ABCA13: variants seen among roughly 807,000 people sequenced by gnomAD.
ABCA13 encodes ATP-binding cassette sub-family A member 13.
Under a neutral mutation model 478.7 loss-of-function variants are expected in ABCA13, and 476 were observed. That is an observed-to-expected ratio of 0.99 (90% CI 0.92 to 1.07). ABCA13 has a LOEUF of 1.07. ABCA13 is among the 50% of genes least tolerant of loss of function. ABCA13 has a pLI of 0.00. For missense variants in ABCA13, 6,060 were observed against 5,910.6 expected (o/e 1.03, Z -0.83); for synonymous variants, 2,252 against 2,158.9 (o/e 1.04, Z -1.20).
In ABCA13 at chr7:48,178,836, A is replaced by G. The variant is rs140458680; in HGVS notation, c.69+7284A>G. 5.1e-3 allele frequency among the ~76,000 whole-genome samples: 768 copies of G among 151,592 alleles called. 10 individuals carry two copies. The highest frequency in any genetic ancestry group is 0.017 in the African/African-American group (713 of 41,472). On this transcript the variant is annotated intron_variant, in intron 1 of 61. Transcript: ENST00000435803. ...TTCGACTGTCAGGCTGAAAAGAGAA[A>G]ATAATTCTCTCTAGGTTGCTCTTTT...
chr7:48,171,697 C>G, intron 1 of ABCA13, 145 bp downstream of exon 1: 1 of 883,104 alleles, frequency 1.1e-6, no homozygotes, highest in East Asian at 2.7e-5. Context: ...TATTTTAAAT[C>G]AAAACCCGTC....
chr7:48,464,928 A>G (rs2130099214), intron 43 of ABCA13, among the ~76,000 whole-genome samples: 1 of 152,280 alleles, frequency 6.6e-6, no homozygotes, highest in East Asian at 1.9e-4. Context: ...TTATTATGGA[A>G]TCGGTGTTCC....
At chr7:48,238,464 GTTCTTT>G (rs1314547477) in intron 8 of ABCA13, among the ~76,000 whole-genome samples, 1 of 140,018 alleles carries the variant, frequency 7.1e-6, no homozygotes, top group Non-Finnish European at 1.6e-5. Context: ...CTCTGTTGAA[GTTCTTT>G]TTTTTTTTTT....
intron 55 of ABCA13, among the ~76,000 whole-genome samples, chr7:48,528,968 C>T (rs1833051696): frequency 6.6e-6 from 1 of 152,160 alleles, no homozygotes; most frequent in Admixed American, 6.5e-5. Flanking sequence ...TCATGCATTC[C>T]TTTATGTCAC....
At chr7:48,449,146 A>C (rs1224994950) in intron 42 of ABCA13, among the ~76,000 whole-genome samples, 2 of 152,184 alleles carry the variant, frequency 1.3e-5, no homozygotes, top group Non-Finnish European at 2.9e-5. Context: ...TCCGGCTCCT[A>C]GCTGTCTGTA....
intron 48 of ABCA13, among the ~76,000 whole-genome samples, chr7:48,499,049 G>T (rs1471568819): frequency 6.6e-6 from 1 of 151,950 alleles, no homozygotes; most frequent in African/African-American, 2.4e-5. Flanking sequence ...GATTGGTTTT[G>T]GATAGGATTA....
chr7:48,543,648 A>T (rs1229601893), intron 55 of ABCA13, among the ~76,000 whole-genome samples: 1 of 151,776 alleles, frequency 6.6e-6, no homozygotes, highest in Non-Finnish European at 1.5e-5. Flanking sequence ...TAAAAAAAAT[A>T]AAAAATAGGC....
chr7:48,371,419 A>G (rs1373210996), intron 32 of ABCA13, among the ~76,000 whole-genome samples: 1 of 152,094 alleles, frequency 6.6e-6, no homozygotes, highest in Non-Finnish European at 1.5e-5. Flanking sequence ...ATGACCATGG[A>G]ATGTTTTTCT....
chr7:48,336,179 G>T lies in ABCA13; in HGVS notation c.10113+644G>T, dbSNP rs540152825. On this transcript the variant is annotated intron_variant, in intron 28 of 61. Coordinates refer to ENST00000435803, the MANE Select transcript of ABCA13 (RefSeq NM_152701.5). Reference sequence around the variant, plus strand: ...CCACCAGTTGTGTGATCTTGGGCTAGTCACTGAAGTTCTCTGTACCTTGAG... The same window carrying T: ...CCACCAGTTGTGTGATCTTGGGCTATTCACTGAAGTTCTCTGTACCTTGAG... Among the ~76,000 whole-genome samples, 6 of 152,266 alleles carry T rather than the reference G, an allele frequency of 3.9e-5. No homozygotes were observed. The South Asian group carries it at 1.0e-3, about 26-fold the overall frequency.
At chr7:48,368,411 C>T (rs565057221) in intron 32 of ABCA13, among the ~76,000 whole-genome samples, 7 of 151,928 alleles carry the variant, frequency 4.6e-5, no homozygotes, top group East Asian at 1.9e-4. Context: ...ACCCATCACC[C>T]GAGCAGTGTA....
chr7:48,306,283 C>T (rs977847013), intron 23 of ABCA13, among the ~76,000 whole-genome samples: 2 of 152,118 alleles, frequency 1.3e-5, no homozygotes, highest in African/African-American at 4.8e-5. Flanking sequence ...TGGGACTAGA[C>T]TCTAAAAAAC....
intron 43 of ABCA13, among the ~76,000 whole-genome samples, chr7:48,458,965 G>T (rs1420046353): frequency 6.6e-6 from 1 of 152,208 alleles, no homozygotes; most frequent in African/African-American, 2.4e-5. Flanking sequence ...GAGCATGTCT[G>T]TGTTGGTTTG....
intron 25 of ABCA13, among the ~76,000 whole-genome samples, chr7:48,313,978 TGTGTA>T (rs1802160792): frequency 1.1e-5 from 1 of 94,488 alleles, no homozygotes; most frequent in Non-Finnish European, 2.1e-5. Context: ...TATGTGTGTG[TGTGTA>T]TGTGTGTGTG....
intron 15 of ABCA13, among the ~76,000 whole-genome samples, 159 bp from the exon 16 acceptor site, chr7:48,268,820 CA>C (rs1292157069): frequency 2.0e-5 from 3 of 149,328 alleles, no homozygotes; most frequent in Non-Finnish European, 4.4e-5. Context: ...TGTCTGGAAG[CA>C]CAAGTCAAAT....
chr7:48,537,901 A>G (rs905726885), intron 55 of ABCA13, among the ~76,000 whole-genome samples: 2 of 152,108 alleles, frequency 1.3e-5, no homozygotes, highest in Non-Finnish European at 2.9e-5. Flanking sequence ...TAGGGGAAGG[A>G]GATGAGGAGA....
chr7:48,177,496 C>G (rs1480201933), intron 1 of ABCA13, among the ~76,000 whole-genome samples: 3 of 152,208 alleles, frequency 2.0e-5, no homozygotes, highest in Non-Finnish European at 4.4e-5. Context: ...CAGGGGCGCT[C>G]CATACACAAA....
intron 35 of ABCA13, among the ~76,000 whole-genome samples, chr7:48,380,899 G>C (rs1463941357): frequency 6.6e-6 from 1 of 152,044 alleles, no homozygotes; most frequent in Non-Finnish European, 1.5e-5. Context: ...ATCACACTCG[G>C]GGTCACTGTC....
At chr7:48,225,754 A>G (rs1474356779) in intron 5 of ABCA13, among the ~76,000 whole-genome samples, 2 of 152,162 alleles carry the variant, frequency 1.3e-5, no homozygotes, top group African/African-American at 4.8e-5. Context: ...AAGATGGCAG[A>G]TAATAACATG....
At chr7:48,638,600 T>G (rs1794870817) in intron 59 of ABCA13, among the ~76,000 whole-genome samples, 1 of 152,206 alleles carries the variant, frequency 6.6e-6, no homozygotes, top group Non-Finnish European at 1.5e-5. Flanking sequence ...CTGATTTGCA[T>G]ATGCAATGAT....
Sources: allele counts gnomAD v4.1 joint callset (sites outside exome capture counted in the v4.1 genomes callset), GRCh38; gene constraint gnomAD v4.1.1; transcripts MANE v1.5; gene names NCBI Gene and HGNC (gene_info 2026-07-23, HGNC 2026-07-21).